The following OMD variants were observed in gnomAD, a reference collection of about 807,000 sequenced individuals.
The protein encoded by OMD is osteomodulin.
OMD carries 19 observed loss-of-function variants against 31.2 expected under a neutral mutation model. That is an observed-to-expected ratio of 0.61 (90% CI 0.42 to 0.89). OMD has a LOEUF of 0.89. Ranked by LOEUF, OMD falls within the 40% of genes least tolerant of loss-of-function variation. The probability of loss-of-function intolerance (pLI) is 0.00; values close to 1 mark genes in which losing one functional copy is unlikely to be tolerated. For synonymous variants in OMD, 155 were observed against 166.4 expected (o/e 0.93, Z 0.53); for missense variants, 448 against 490.8 (o/e 0.91, Z 0.82).
intron 2 of OMD, among the ~76,000 whole-genome samples, chr9:92,416,070 ATTTATT>A (rs371293772): frequency 0.015 from 1,958 of 131,214 alleles, 25 homozygotes; most frequent in East Asian, 0.019. Flanking sequence ...ATATATATAT[ATTTATT>A]TATTTATTTA....
chr9:92,422,504 G>A (rs1028872273), intron 1 of OMD, among the ~76,000 whole-genome samples: 1 of 152,178 alleles, frequency 6.6e-6, no homozygotes, highest in African/African-American at 2.4e-5. Context: ...CATGACTGGG[G>A]CGTCTCTGAA....
At chr9:92,423,323 G>A (rs1843870931) in intron 1 of OMD, among the ~76,000 whole-genome samples, 1 of 152,036 alleles carries the variant, frequency 6.6e-6, no homozygotes, top group African/African-American at 2.4e-5. Context: ...AACCATCTGT[G>A]TCATAATATT....
chr9:92,417,292 A>G lies in OMD; in HGVS notation c.267T>C (p.Ile89=). The change falls in exon 2 of 3, where the codon ATT becomes ATC. Residue 89 remains isoleucine (I), a synonymous_variant. Transcript: ENST00000375550. Reference sequence around the variant, plus strand: ...GGTAGAGTTGCTGAATGTGCATCGGAATATTTGGGATAGTCTTGAGTTTGC... The same window carrying G: ...GGTAGAGTTGCTGAATGTGCATCGGGATATTTGGGATAGTCTTGAGTTTGC... ...DNRKLKTIPN[I]PMHIQQLYLQ... is the part of the protein sequence containing the mutation. 1 of 1,614,096 alleles carries G rather than the reference A, an allele frequency of 6.2e-7. No homozygotes were observed. Among genetic ancestry groups the G allele is most frequent in the Non-Finnish European group, 8.5e-7 (1 of 1,179,988 alleles).
At chr9:92,422,054 C>T (rs1407818908) in intron 1 of OMD, among the ~76,000 whole-genome samples, 2 of 146,208 alleles carry the variant, frequency 1.4e-5, no homozygotes, top group Non-Finnish European at 3.0e-5. Flanking sequence ...AACATATTAA[C>T]TTTTTTTTTT....
rs77817998 is a variant in OMD at position 92,415,100 on chromosome 9, T to A, written c.*52A>T. On this transcript the variant is annotated 3_prime_UTR_variant, in exon 3 of 3. Coordinates refer to ENST00000375550, the MANE Select transcript of OMD (RefSeq NM_005014.3). ...AATACATGTTTACTTAGATTTACTATATTAAGTATAGGTTTTGTGAAGTCG... is the reference window on the plus strand; with the variant it reads ...AATACATGTTTACTTAGATTTACTAAATTAAGTATAGGTTTTGTGAAGTCG... The A allele has an allele frequency of 2.4e-4, 316 of 1,306,930 alleles. 2 individuals carry two copies. The East Asian group carries it at 7.1e-3, about 29-fold the overall frequency. The allele number at this position is 1,306,930 out of a possible 1,614,324, so 81.0% of individuals were successfully genotyped here. A position where few individuals can be genotyped will look rare whatever the true frequency, so the allele number is the denominator to read the frequency against.
intron 1 of OMD, among the ~76,000 whole-genome samples, chr9:92,418,129 C>T (rs971471515): frequency 3.3e-5 from 5 of 151,784 alleles, no homozygotes; most frequent in African/African-American, 9.7e-5. Flanking sequence ...CCTTGTCACC[C>T]AGGGTGGAGT....
intron 1 of OMD, among the ~76,000 whole-genome samples, chr9:92,419,051 G>A (rs190616029): frequency 1.4e-4 from 21 of 152,172 alleles, no homozygotes; most frequent in Admixed American, 1.3e-4. Flanking sequence ...TCAAATACAC[G>A]TGCAGTAGAA....
intron 2 of OMD, 122 bp from the exon 3 acceptor site, chr9:92,415,599 T>A: frequency 4.6e-6 from 2 of 433,332 alleles, no homozygotes; most frequent in Admixed American, 8.9e-5. Flanking sequence ...TATTTATAAA[T>A]TGAATTAGGT....
At chr9:92,418,445 T>A (rs1379495740) in intron 1 of OMD, among the ~76,000 whole-genome samples, 1 of 152,008 alleles carries the variant, frequency 6.6e-6, no homozygotes, top group African/African-American at 2.4e-5. Context: ...AAGTCTGGTA[T>A]ACTAGACTTT....
chr9:92,418,894 A>G (rs1386838873), intron 1 of OMD, among the ~76,000 whole-genome samples: 2 of 152,120 alleles, frequency 1.3e-5, no homozygotes, highest in African/African-American at 4.8e-5. Flanking sequence ...AAAGACATAC[A>G]GTGTTTACAT....
chr9:92,417,338 G>A lies in OMD; in HGVS notation c.221C>T (p.Ser74Leu), dbSNP rs1160180887. The change falls in exon 2 of 3, where the codon TCA becomes TTA. Residue 74 changes from serine to leucine, a missense_variant. Ser to Leu is a moderately radical substitution (Grantham distance 145). Transcript: ENST00000375550. ...SECFCPTNFP[S>L]SMYCDNRKLK... ...TTTGCGATTATCACAGTACATTGAT[G>A]ATGGAAAGTTAGTTGGACAGAAGCA... is the stretch of plus-strand genomic sequence containing the variant. 2 of 1,614,022 alleles carry A rather than the reference G, an allele frequency of 1.2e-6. No homozygotes were observed. The highest frequency in any genetic ancestry group is 4.5e-5 in the East Asian group (2 of 44,852).
At chr9:92,418,311 T>G (rs1312921998) in intron 1 of OMD, among the ~76,000 whole-genome samples, 1 of 151,712 alleles carries the variant, frequency 6.6e-6, no homozygotes, top group Non-Finnish European at 1.5e-5. Flanking sequence ...GGTCTCTAAC[T>G]CCTGACCTCA....
rs1227517851 is a variant in OMD at position 92,414,008 on chromosome 9, T to G, written c.*1144A>C. Among the ~76,000 whole-genome samples, 1 of 152,212 alleles carries G rather than the reference T, an allele frequency of 6.6e-6. No homozygotes were observed. Among genetic ancestry groups the G allele is most frequent in the Non-Finnish European group, 1.5e-5 (1 of 68,038 alleles). On this transcript the variant is annotated 3_prime_UTR_variant, in exon 3 of 3. Transcript: ENST00000375550. ...ATCATTTGTATAGGCAGCCCTAGAT[T>G]GGTATTTGTCCCTTATCTGAGAAAT...
rs141207956 is a variant in OMD at position 92,415,377 on chromosome 9, G to A, written c.1041C>T (p.Ser347=). 4 of 1,613,294 alleles carry A rather than the reference G, an allele frequency of 2.5e-6. No homozygotes were observed. Among genetic ancestry groups the A allele is most frequent in the East Asian group, 2.2e-5 (1 of 44,802 alleles). ...GAGGGAAGCAGAAGAAGATGTATGAGCTTATTGGTTCTTTTAGTTTATTTT... is the reference window on the plus strand; with the variant it reads ...GAGGGAAGCAGAAGAAGATGTATGAACTTATTGGTTCTTTTAGTTTATTTT... The part of the protein sequence containing the change: ...VDQNKLKEPI[S]SYIFFCFPHI... Residue 347 remains serine, a synonymous_variant, in exon 3 of 3, where the codon AGC becomes AGT. Transcript: ENST00000375550.
chr9:92,422,588 C>T (rs1843840653), intron 1 of OMD, among the ~76,000 whole-genome samples: 1 of 152,204 alleles, frequency 6.6e-6, no homozygotes, highest in African/African-American at 2.4e-5. Context: ...CCTTGAGGAA[C>T]AATTTCTCTT....
In OMD at chr9:92,414,937, C is replaced by G. The variant is rs961708044; in HGVS notation, c.*215G>C. ...CGTTTAATTTATGATTCCCACTTGTCATTCTAATTTATATTTTTAAAGATT... is the reference window on the plus strand; with the variant it reads ...CGTTTAATTTATGATTCCCACTTGTGATTCTAATTTATATTTTTAAAGATT... On this transcript the variant is annotated 3_prime_UTR_variant, in exon 3 of 3. Coordinates refer to ENST00000375550, the MANE Select transcript of OMD (RefSeq NM_005014.3). 2.8e-6 allele frequency: 1 copy of G among 352,168 alleles called. No homozygotes were observed. The highest frequency in any genetic ancestry group is 5.0e-6 in the Non-Finnish European group (1 of 198,290). The allele number at this position is 352,168 out of a possible 1,614,324, so 21.8% of individuals were successfully genotyped here.
chr9:92,417,452 T>C lies in OMD; in HGVS notation c.107A>G (p.Asp36Gly), dbSNP rs756191126. The C allele has an allele frequency of 6.2e-7, 1 of 1,614,060 alleles. No individual in the cohort carries two copies. Among genetic ancestry groups the C allele is most frequent in the Non-Finnish European group, 8.5e-7 (1 of 1,179,950 alleles). Residue 36 changes from aspartate (D) to glycine (G), a missense_variant, in exon 2 of 3, where the codon GAT (aspartate) becomes GGT (glycine). Asp to Gly is a moderately conservative substitution (Grantham distance 94). Transcript: ENST00000375550. Reference protein sequence around the residue: ...QWDEDYDQEPDDDYQTGFPFR... With the variant: ...QWDEDYDQEPGDDYQTGFPFR... ...TGGGAATCCTGTTTGGTAATCATCA[T>C]CTGGCTCTTGGTCATAGTCTTCATC... is the stretch of plus-strand genomic sequence containing the variant.
intron 1 of OMD, among the ~76,000 whole-genome samples, chr9:92,417,965 G>T (rs927357734): frequency 6.6e-6 from 1 of 151,816 alleles, no homozygotes; most frequent in Non-Finnish European, 1.5e-5. Context: ...TGACCTCAAG[G>T]GATCCTCTGG....
rs1004392957 is a variant in OMD at position 92,414,003 on chromosome 9, T to C, written c.*1149A>G. On this transcript the variant is annotated 3_prime_UTR_variant, in exon 3 of 3. Transcript: ENST00000375550. ...TTGTTATCATTTGTATAGGCAGCCC[T>C]AGATTGGTATTTGTCCCTTATCTGA... is the stretch of plus-strand genomic sequence containing the variant. 5.3e-5 allele frequency among the ~76,000 whole-genome samples: 8 copies of C among 152,212 alleles called. No individual in the cohort carries two copies. The East Asian group carries it at 5.8e-4, about 11-fold the overall frequency.
Sources: allele counts gnomAD v4.1 joint callset (sites outside exome capture counted in the v4.1 genomes callset), GRCh38; gene constraint gnomAD v4.1.1; transcripts MANE v1.5; gene names NCBI Gene and HGNC (gene_info 2026-07-23, HGNC 2026-07-21).